The following RMND5A variants were observed in gnomAD, a reference collection of about 807,000 sequenced individuals.
The protein encoded by RMND5A is required for meiotic nuclear division 5 homolog A, also known as E3 ubiquitin-protein transferase RMND5A.
Under a neutral mutation model 49.7 loss-of-function variants are expected in RMND5A, and 17 were observed. That is an observed-to-expected ratio of 0.34 (90% confidence interval 0.23 to 0.51). The LOEUF (loss-of-function observed/expected upper bound fraction) is 0.51. Among genes scored for constraint, RMND5A ranks in the 20% least tolerant of loss-of-function variants. RMND5A has a pLI of 0.96. For synonymous variants in RMND5A, 156 were observed against 167.7 expected (o/e 0.93, Z 0.54); for missense variants, 255 against 471.3 (o/e 0.54, Z 4.25).
intron 4 of RMND5A, among the ~76,000 whole-genome samples, chr2:86,760,629 G>C (rs773072362): frequency 3.3e-5 from 5 of 152,200 alleles, no homozygotes; most frequent in Admixed American, 2.0e-4. Context: ...GGCAACAGCT[G>C]TGTGGGTTGT....
chr2:86,771,657 G>T lies in RMND5A; in HGVS notation c.1057G>T (p.Val353Phe). 1 of 1,613,548 alleles carries T rather than the reference G, an allele frequency of 6.2e-7. No individual in the cohort carries two copies. The highest frequency in any genetic ancestry group is 8.5e-7 in the Non-Finnish European group (1 of 1,179,786). ...TTDNNPPMKLVCGHIISRDAL... is the reference protein window; with the variant it reads ...TTDNNPPMKLFCGHIISRDAL... ...AGATAACAATCCACCCATGAAATTGGTCTGTGGTCATATTATATCAAGAGA... is the reference window on the plus strand; with the variant it reads ...AGATAACAATCCACCCATGAAATTGTTCTGTGGTCATATTATATCAAGAGA... The change falls in exon 8 of 9, where the codon GTC becomes TTC. Residue 353 changes from valine (V) to phenylalanine (F), a missense_variant. Val to Phe is a conservative substitution (Grantham distance 50). Around this residue, in one of 3 missense-constraint regions of RMND5A, gnomAD observed 208 missense variants for 339.8 expected, o/e 0.61. Transcript: ENST00000283632.
At chr2:86,734,454 T>G (rs1681382193) in intron 1 of RMND5A, among the ~76,000 whole-genome samples, 1 of 145,934 alleles carries the variant, frequency 6.9e-6, no homozygotes, top group Non-Finnish European at 1.5e-5. Flanking sequence ...CCTTTTTTAT[T>G]TTTATTATTA....
Position 86,725,668 on chromosome 2 carries a change from G to A in RMND5A, c.142+4859G>A, listed in dbSNP as rs1681279131. Among the ~76,000 whole-genome samples the A allele has an allele frequency of 2.5e-5, 2 of 78,980 alleles. 1 individual carries two copies. The highest frequency in any genetic ancestry group is 6.7e-4 in the South Asian group (2 of 3,000). 51.8% of individuals were successfully genotyped at this position (78,980 alleles called of 152,430 possible). The stretch of plus-strand genomic sequence containing the variant: ...GGCCTTCCAAACTGCAGGGATTACA[G>A]GCGTGAGCCACTGCGCCCGACCTCC... On this transcript the variant is annotated intron_variant, in intron 1 of 8. Coordinates refer to ENST00000283632, the MANE Select transcript of RMND5A (RefSeq NM_022780.4).
chr2:86,765,570 G>A (rs963001527), intron 5 of RMND5A: 33 of 376,456 alleles, frequency 8.8e-5, no homozygotes, highest in Admixed American at 1.7e-4. Flanking sequence ...TGCAGTCAGA[G>A]ATAATGTGAT....
chr2:86,764,334 T>G (rs766463414), intron 4 of RMND5A, among the ~76,000 whole-genome samples: 2 of 152,226 alleles, frequency 1.3e-5, no homozygotes, highest in Non-Finnish European at 2.9e-5. Flanking sequence ...GCTATATACT[T>G]TCCTGCCTTT....
rs1482364559 is a variant in RMND5A at position 86,775,973 on chromosome 2, A to G, written c.*2562A>G. 2 of 152,198 alleles carry G rather than the reference A, an allele frequency of 1.3e-5. No individual in the cohort carries two copies. The highest frequency in any genetic ancestry group is 2.9e-5 in the Non-Finnish European group (2 of 68,040). The allele number at this position is 152,198 out of a possible 1,614,324, so 9.4% of individuals were successfully genotyped here. On this transcript the variant is annotated 3_prime_UTR_variant, in exon 9 of 9. Coordinates refer to ENST00000283632, the MANE Select transcript of RMND5A (RefSeq NM_022780.4). ...TGTCTCTCTTTGCCTCCACTTTACA[A>G]AAGATAATATGATAGAGGCAACGTT... is the stretch of plus-strand genomic sequence containing the variant.
At chr2:86,742,380 G>T (rs1376658459) in intron 2 of RMND5A, among the ~76,000 whole-genome samples, 1 of 151,604 alleles carries the variant, frequency 6.6e-6, no homozygotes, top group South Asian at 2.1e-4. Context: ...AAATGGCTTT[G>T]AGGTTGTGAA....
chr2:86,773,479 C>G lies in RMND5A; in HGVS notation c.*68C>G. ...TGGGTGCATTTCAGAAGAGAACGTT[C>G]CATATAATGCAGCTAACCAAGGACT... On this transcript the variant is annotated 3_prime_UTR_variant, in exon 9 of 9. Transcript: ENST00000283632. 9.9e-7 allele frequency: 1 copy of G among 1,007,604 alleles called. No homozygotes were observed. Among genetic ancestry groups the G allele is most frequent in the Non-Finnish European group, 1.6e-6 (1 of 636,132 alleles). The allele number at this position is 1,007,604 out of a possible 1,614,324, so 62.4% of individuals were successfully genotyped here.
At chr2:86,771,826 A>G in intron 8 of RMND5A, 114 bp downstream of exon 8, 1 of 854,502 alleles carries the variant, frequency 1.2e-6, no homozygotes, top group Admixed American at 2.8e-5. Context: ...AACTAAATAA[A>G]TTTCTTAACT....
At chr2:86,769,387 G>A (rs1367587097) in intron 6 of RMND5A, among the ~76,000 whole-genome samples, 1 of 152,168 alleles carries the variant, frequency 6.6e-6, no homozygotes, top group African/African-American at 2.4e-5. Flanking sequence ...AGCACATTTT[G>A]TAAGAAAAAT....
chr2:86,774,128 G>T lies in RMND5A; in HGVS notation c.*717G>T, dbSNP rs1339465630. On this transcript the variant is annotated 3_prime_UTR_variant, in exon 9 of 9. Coordinates refer to ENST00000283632, the MANE Select transcript of RMND5A (RefSeq NM_022780.4). ...TGTTTGGTTGGGTTTTTGTTTGTTT[G>T]TTTTTTGTTTTTGCTTTTATTGCCA... 1 of 152,524 alleles carries T rather than the reference G, an allele frequency of 6.6e-6. No individual in the cohort carries two copies. Among genetic ancestry groups the T allele is most frequent in the Non-Finnish European group, 1.5e-5 (1 of 68,004 alleles). The allele number at this position is 152,524 out of a possible 1,614,324, so 9.4% of individuals were successfully genotyped here. A position where few individuals can be genotyped will look rare whatever the true frequency, so the allele number is the denominator to read the frequency against.
rs1389842966 is a variant in RMND5A at position 86,726,506 on chromosome 2, A to G, written c.142+5697A>G. Among the ~76,000 whole-genome samples, 2 of 72,422 alleles carry G rather than the reference A, an allele frequency of 2.8e-5. 1 individual carries two copies. Among genetic ancestry groups the G allele is most frequent in the Non-Finnish European group, 5.4e-5 (2 of 37,098 alleles). 47.5% of individuals were successfully genotyped at this position (72,422 alleles called of 152,430 possible). A position where few individuals can be genotyped will look rare whatever the true frequency, so the allele number is the denominator to read the frequency against. On this transcript the variant is annotated intron_variant, in intron 1 of 8. Coordinates refer to ENST00000283632, the MANE Select transcript of RMND5A (RefSeq NM_022780.4). ...TTTAACATCTAGTCTGGAAAATAGT[A>G]TATCAGTAGGTCATAAATAAAAGTT...
rs59663272 is a variant in RMND5A, at chr2:86,746,828, C to A, written c.286-5068C>A. 1.4e-3 allele frequency among the ~76,000 whole-genome samples: 219 copies of A among 152,332 alleles called. 6 individuals are homozygous for A. The East Asian group carries it at 0.036, about 25-fold the overall frequency. On this transcript the variant is annotated intron_variant, in intron 2 of 8. Transcript: ENST00000283632. ...AGAGTGGTTTGGCACGTTACTCCCT[C>A]ATTTTTTAAATAAAGCAATAACATA... is the stretch of plus-strand genomic sequence containing the variant.
intron 2 of RMND5A, 129 bp downstream of exon 2, chr2:86,741,198 A>AC: frequency 2.0e-6 from 2 of 1,004,212 alleles, no homozygotes; most frequent in Non-Finnish European, 2.9e-6. Flanking sequence ...GATGACTTTT[A>AC]CAGGTCTAGT....
chr2:86,747,280 A>G (rs1681553804), intron 2 of RMND5A, among the ~76,000 whole-genome samples: 1 of 152,204 alleles, frequency 6.6e-6, no homozygotes, highest in Non-Finnish European at 1.5e-5. Flanking sequence ...AAGGTGGGGC[A>G]TCTTCTCATG....
rs1195505048 is a variant in RMND5A at position 86,720,517 on chromosome 2, C to A, written c.-151C>A. On this transcript the variant is annotated 5_prime_UTR_variant, in exon 1 of 9. Coordinates refer to ENST00000283632, the MANE Select transcript of RMND5A (RefSeq NM_022780.4). ...CTCCGGCTGCGCGGGGCTCCCCCGG[C>A]GCCGCGGCTAGTGCGCCCGCCGCCT... is the stretch of plus-strand genomic sequence containing the variant. 2 of 400,146 alleles carry A rather than the reference C, an allele frequency of 5.0e-6. No individual in the cohort carries two copies. The highest frequency in any genetic ancestry group is 4.4e-5 in the African/African-American group (2 of 45,754). The allele number at this position is 400,146 out of a possible 1,614,324, so 24.8% of individuals were successfully genotyped here. A position where few individuals can be genotyped will look rare whatever the true frequency, so the allele number is the denominator to read the frequency against.
chr2:86,765,368 T>C, intron 5 of RMND5A, 175 bp downstream of exon 5: 1 of 526,506 alleles, frequency 1.9e-6, no homozygotes, highest in Non-Finnish European at 3.2e-6. Flanking sequence ...TTAAAGCCTC[T>C]TAGAAGTCAG....
At chr2:86,743,436 A>G (rs1681484349) in intron 2 of RMND5A, among the ~76,000 whole-genome samples, 1 of 151,576 alleles carries the variant, frequency 6.6e-6, no homozygotes, top group Non-Finnish European at 1.5e-5. Flanking sequence ...TCTTTCAAAA[A>G]AATTGGGGTG....
At chr2:86,757,114 C>T (rs914884423) in intron 4 of RMND5A, among the ~76,000 whole-genome samples, 2 of 138,746 alleles carry the variant, frequency 1.4e-5, no homozygotes, top group Admixed American at 1.6e-4. Flanking sequence ...GCGGAGGTTG[C>T]GGTGAGCCAA....
Sources: gnomAD v4.1 joint callset for allele counts (sites outside exome capture counted in the v4.1 genomes callset) on GRCh38, gnomAD v4.1.1 for gene constraint, gnomAD v4.1.1 regional missense constraint, MANE v1.5 for transcripts, NCBI Gene and HGNC (gene_info 2026-07-23, HGNC 2026-07-21) for gene names.